Variants in CDK6 observed in about 807,000 individuals in gnomAD.
CDK6 encodes cyclin-dependent kinase 6.
Under a neutral mutation model 37.1 loss-of-function variants are expected in CDK6, and 6 were observed. The ratio of observed to expected loss-of-function variants is 0.16; its 90% CI spans 0.09 to 0.32. The LOEUF (loss-of-function observed/expected upper bound fraction) is 0.32. Ranked by LOEUF, CDK6 falls within the 10% of genes least tolerant of loss-of-function variation. The pLI, the probability that CDK6 is intolerant of heterozygous loss-of-function variation, is 1.00. For synonymous variants in CDK6, 160 were observed against 161.3 expected (o/e 0.99, Z 0.06); for missense variants, 224 against 418.9 (o/e 0.53, Z 4.06).
chr7:92,801,535 G>A (rs1800575488), intron 2 of CDK6, among the ~76,000 whole-genome samples: 1 of 152,138 alleles, frequency 6.6e-6, no homozygotes, highest in Non-Finnish European at 1.5e-5. Flanking sequence ...GGATCTCTCT[G>A]AACTGCTCCC....
intron 6 of CDK6, among the ~76,000 whole-genome samples, chr7:92,618,666 A>T (rs1232560723): frequency 6.6e-6 from 1 of 152,178 alleles, no homozygotes; most frequent in Non-Finnish European, 1.5e-5. Context: ...ATGGTTTATT[A>T]ACATATCAAT....
chr7:92,780,268 G>A (rs993713028), intron 2 of CDK6, among the ~76,000 whole-genome samples: 8 of 152,092 alleles, frequency 5.3e-5, no homozygotes, highest in African/African-American at 1.2e-4. Context: ...CACTGTGCCC[G>A]GCCAGAAACT....
chr7:92,688,348 T>C (rs965088915), intron 4 of CDK6, among the ~76,000 whole-genome samples: 2 of 152,172 alleles, frequency 1.3e-5, no homozygotes, highest in Non-Finnish European at 2.9e-5. Context: ...ATAATCTGGA[T>C]TTATTAAAGC....
chr7:92,815,610 C>T (rs1465629178), intron 2 of CDK6, among the ~76,000 whole-genome samples: 2 of 152,108 alleles, frequency 1.3e-5, no homozygotes, highest in Non-Finnish European at 2.9e-5. Context: ...AGGCAATTTC[C>T]AGACCACAGG....
chr7:92,782,088 C>T (rs555498456), intron 2 of CDK6, among the ~76,000 whole-genome samples: 11 of 152,276 alleles, frequency 7.2e-5, no homozygotes, highest in African/African-American at 2.6e-4. Flanking sequence ...AAACATTTAC[C>T]AGCACCTACC....
chr7:92,722,465 C>A lies in CDK6; in HGVS notation c.537+3161G>T, dbSNP rs6969024. ...TACACAGACTGTGAACTTGGGTTTG[C>A]GTCAACTTTTCACTCCTAACTTGAG... On this transcript the variant is annotated intron_variant, in intron 4 of 7. Transcript: ENST00000424848. Among the ~76,000 whole-genome samples the A allele has an allele frequency of 6.7e-4, 102 of 152,232 alleles. 1 individual carries two copies. Among genetic ancestry groups the A allele is most frequent in the African/African-American group, 2.4e-3 (101 of 41,550 alleles).
intron 5 of CDK6, among the ~76,000 whole-genome samples, chr7:92,623,960 T>C (rs1338104390): frequency 6.6e-6 from 1 of 152,158 alleles, no homozygotes; most frequent in East Asian, 1.9e-4. Context: ...ACTAAAATAG[T>C]TGTAGTCTAT....
Position 92,734,852 on chromosome 7 carries a change from A to G in CDK6, c.370-9059T>C, listed in dbSNP as rs1371258351. Among the ~76,000 whole-genome samples the G allele has an allele frequency of 2.0e-5, 3 of 152,330 alleles. No individual in the cohort carries two copies. The East Asian group carries it at 5.8e-4, about 29-fold the overall frequency. Reference sequence around the variant, plus strand: ...ATTATTTTAGAAATATAAAACTCCCATGACTATAATGAACACTGACACACT... The same window carrying G: ...ATTATTTTAGAAATATAAAACTCCCGTGACTATAATGAACACTGACACACT... On this transcript the variant is annotated intron_variant, in intron 3 of 7. Coordinates refer to ENST00000424848, the MANE Select transcript of CDK6 (RefSeq NM_001145306.2).
chr7:92,672,234 CACACACACATAT>C (rs1797104452), intron 4 of CDK6, among the ~76,000 whole-genome samples: 1 of 145,540 alleles, frequency 6.9e-6, no homozygotes, highest in African/African-American at 2.6e-5. Context: ...CACACACACA[CACACACACATAT>C]ATGAAGATGG....
At chr7:92,707,236 G>C (rs1797988350) in intron 4 of CDK6, among the ~76,000 whole-genome samples, 1 of 152,092 alleles carries the variant, frequency 6.6e-6, no homozygotes, top group African/African-American at 2.4e-5. Flanking sequence ...ATCCTATTAA[G>C]ATAGGTACTG....
At position 92,610,304 on chromosome 7, in the gene CDK6, G is replaced by A. The variant is rs1032001348; in HGVS notation, c.*4836C>T. The A allele has an allele frequency of 1.7e-5, 4 of 232,078 alleles. No individual in the cohort carries two copies. The highest frequency in any genetic ancestry group is 2.6e-5 in the Non-Finnish European group (3 of 117,442). The allele number at this position is 232,078 out of a possible 1,614,324, so 14.4% of individuals were successfully genotyped here. On this transcript the variant is annotated 3_prime_UTR_variant, in exon 8 of 8. Coordinates refer to ENST00000424848, the MANE Select transcript of CDK6 (RefSeq NM_001145306.2). ...CTAAGGCTAGACAAGGTAACAATAT[G>A]TTGAAGGAAGTCCACTTCTACTCAT...
chr7:92,786,275 G>A (rs1800129967), intron 2 of CDK6, among the ~76,000 whole-genome samples: 1 of 152,136 alleles, frequency 6.6e-6, no homozygotes, highest in African/African-American at 2.4e-5. Flanking sequence ...TACACTGTAA[G>A]CCAAAAACCT....
intron 2 of CDK6, among the ~76,000 whole-genome samples, chr7:92,777,123 C>T (rs1799870284): frequency 6.6e-6 from 1 of 152,140 alleles, no homozygotes; most frequent in Admixed American, 6.5e-5. Context: ...CTGCATATGG[C>T]TAGCCAGTTT....
chr7:92,729,731 T>C (rs996256863), intron 3 of CDK6, among the ~76,000 whole-genome samples: 9 of 152,122 alleles, frequency 5.9e-5, no homozygotes, highest in African/African-American at 2.2e-4. Flanking sequence ...AAAAGGTTGA[T>C]CATGGGGCCT....
intron 2 of CDK6, among the ~76,000 whole-genome samples, chr7:92,820,071 T>C (rs1365040891): frequency 6.6e-6 from 1 of 152,048 alleles, no homozygotes; most frequent in Non-Finnish European, 1.5e-5. Flanking sequence ...AAACCCACCA[T>C]ATGTAGACAC....
chr7:92,747,846 T>C (rs1232737572), intron 3 of CDK6, among the ~76,000 whole-genome samples: 4 of 152,198 alleles, frequency 2.6e-5, no homozygotes, highest in Non-Finnish European at 4.4e-5. Context: ...ATAAATAAGA[T>C]ATAAAACTAG....
chr7:92,773,080 T>C (rs1799757305), intron 3 of CDK6, among the ~76,000 whole-genome samples: 1 of 152,192 alleles, frequency 6.6e-6, no homozygotes, highest in African/African-American at 2.4e-5. Context: ...TACTTACATC[T>C]AAAGAAAGCT....
intron 4 of CDK6, among the ~76,000 whole-genome samples, chr7:92,701,531 G>A (rs1193548309): frequency 1.3e-5 from 2 of 151,586 alleles, no homozygotes; most frequent in African/African-American, 4.9e-5. Context: ...TCAGCCTCCC[G>A]AGTAGCTGGG....
intron 4 of CDK6, among the ~76,000 whole-genome samples, chr7:92,713,470 T>C (rs568248853): frequency 1.6e-4 from 24 of 152,128 alleles, no homozygotes; most frequent in Non-Finnish European, 2.8e-4. Flanking sequence ...TTGGTTTCTA[T>C]TACAACTCCA....
Sources: gnomAD v4.1 joint callset for allele counts (sites outside exome capture counted in the v4.1 genomes callset) on GRCh38, gnomAD v4.1.1 for gene constraint, MANE v1.5 for transcripts, NCBI Gene and HGNC (gene_info 2026-07-23, HGNC 2026-07-21) for gene names.